Variants in AGO3 observed in about 807,000 individuals in gnomAD.
AGO3 encodes the protein argonaute RISC catalytic component 3, also known as protein argonaute-3.
AGO3 carries 16 observed loss-of-function variants against 105.5 expected under a neutral mutation model. The ratio of observed to expected loss-of-function variants is 0.15; its 90% CI spans 0.10 to 0.23. The LOEUF is 0.23. AGO3 is among the 10% of genes least tolerant of loss of function. AGO3 has a pLI of 1.00. For missense variants in AGO3, 534 were observed against 1,088.0 expected, an observed-to-expected ratio of 0.49 and a Z score of 7.16; for synonymous variants, 340 against 367.3, an observed-to-expected ratio of 0.93 and a Z score of 0.85.
chr1:35,935,471 T>C (rs1272041986), intron 1 of AGO3, among the ~76,000 whole-genome samples: 1 of 152,268 alleles, frequency 6.6e-6, no homozygotes, highest in Non-Finnish European at 1.5e-5. Flanking sequence ...AAAAGATATC[T>C]ACATGCTACT....
intron 1 of AGO3, among the ~76,000 whole-genome samples, chr1:35,939,747 T>A (rs1402778592): frequency 6.6e-6 from 1 of 152,166 alleles, no homozygotes; most frequent in Non-Finnish European, 1.5e-5. Flanking sequence ...CTCTCTTTTT[T>A]ATGATATTTT....
intron 11 of AGO3, among the ~76,000 whole-genome samples, chr1:36,019,520 A>G (rs1289427255): frequency 2.0e-5 from 3 of 152,242 alleles, no homozygotes; most frequent in African/African-American, 7.2e-5. Flanking sequence ...CACATTTCCT[A>G]ATAACCTTTT....
intron 12 of AGO3, among the ~76,000 whole-genome samples, chr1:36,031,896 G>T (rs567575338): frequency 2.1e-5 from 3 of 144,186 alleles, no homozygotes; most frequent in African/African-American, 7.5e-5. Flanking sequence ...ATATGTGTGT[G>T]TGGGGGGGCG....
At chr1:36,028,736 T>C (rs1641630417) in intron 12 of AGO3, among the ~76,000 whole-genome samples, 1 of 152,060 alleles carries the variant, frequency 6.6e-6, no homozygotes, top group African/African-American at 2.4e-5. Context: ...AGCAGCATGA[T>C]TTATAGTCCT....
In AGO3 at chr1:36,008,222, A is replaced by G. The variant is rs78430756; in HGVS notation, c.794-468A>G. Among the ~76,000 whole-genome samples the G allele has an allele frequency of 8.3e-3, 1,257 of 152,216 alleles. 19 individuals are homozygous for G. The highest frequency in any genetic ancestry group is 0.028 in the African/African-American group (1,177 of 41,526). ...CTCCTGCTTTATAAATCTTTAAAGG[A>G]CTTCTTTCTTGAGCTTTACAAAATT... On this transcript the variant is annotated intron_variant, in intron 6 of 18. Coordinates refer to ENST00000373191, the MANE Select transcript of AGO3 (RefSeq NM_024852.4). The surrounding 1 kb of genome is among the most constrained non-coding windows in gnomAD (Gnocchi z 5.1).
intron 14 of AGO3, among the ~76,000 whole-genome samples, chr1:36,037,198 T>C (rs1436654368): frequency 1.3e-5 from 2 of 152,218 alleles, no homozygotes; most frequent in East Asian, 3.8e-4. Context: ...CTTTTAGGCA[T>C]ATTTAATAAA....
rs1242895291 is a variant in AGO3, at chr1:36,010,590, A to G, written c.1149+996A>G. Among the ~76,000 whole-genome samples, 39 of 147,482 alleles carry G rather than the reference A, an allele frequency of 2.6e-4. 1 individual carries two copies. Among genetic ancestry groups the G allele is most frequent in the African/African-American group, 9.3e-4 (37 of 39,772 alleles). On this transcript the variant is annotated intron_variant, in intron 9 of 18. Coordinates refer to ENST00000373191, the MANE Select transcript of AGO3 (RefSeq NM_024852.4). ...GCACTCCAGCCTGGACAACAGAGTG[A>G]GACTCTGTCTCAAAAAAAAAAAAAA...
chr1:36,049,533 AAAG>A (rs1431838935), intron 17 of AGO3, among the ~76,000 whole-genome samples: 2 of 151,960 alleles, frequency 1.3e-5, no homozygotes, highest in Admixed American at 6.6e-5. Context: ...AAAAAAAAGA[AAAG>A]AAAAACTACT....
intron 2 of AGO3, among the ~76,000 whole-genome samples, chr1:35,949,925 A>G (rs1009794225): frequency 6.6e-6 from 1 of 151,394 alleles, no homozygotes; most frequent in Admixed American, 6.6e-5. Context: ...TTCGTTTCTT[A>G]TTAAAGATTT....
At chr1:36,048,020 G>T (rs1348915951) in intron 17 of AGO3, among the ~76,000 whole-genome samples, 2 of 152,132 alleles carry the variant, frequency 1.3e-5, no homozygotes, top group African/African-American at 4.8e-5. Flanking sequence ...AAATTGTCAA[G>T]TCAAGGACAG....
chr1:35,999,214 C>A (rs143588159), intron 5 of AGO3, among the ~76,000 whole-genome samples: 2 of 152,024 alleles, frequency 1.3e-5, no homozygotes, highest in African/African-American at 4.8e-5. Context: ...ATTAGCTGAG[C>A]GTGTAATCCC....
In AGO3 at chr1:36,068,567, T is replaced by G. The variant is rs928326889; in HGVS notation, c.*12822T>G. 4 of 152,334 alleles carry G rather than the reference T, an allele frequency of 2.6e-5. No individual in the cohort carries two copies. The highest frequency in any genetic ancestry group is 9.6e-5 in the African/African-American group (4 of 41,580). The allele number at this position is 152,334 out of a possible 1,614,324, so 9.4% of individuals were successfully genotyped here. On this transcript the variant is annotated 3_prime_UTR_variant, in exon 19 of 19. Transcript: ENST00000373191. ...CTAACCTTCTGCCAACCAACAGAGA[T>G]CCTCATATTCTTAAAGAAAATTAAT...
At chr1:36,051,425 A>G (rs1444948913) in intron 17 of AGO3, among the ~76,000 whole-genome samples, 3 of 152,236 alleles carry the variant, frequency 2.0e-5, no homozygotes, top group Admixed American at 2.0e-4. Context: ...CATTTACATC[A>G]AAAACATAGA....
intron 17 of AGO3, among the ~76,000 whole-genome samples, chr1:36,045,487 G>A (rs568596931): frequency 7.9e-5 from 12 of 151,868 alleles, no homozygotes; most frequent in Admixed American, 5.9e-4. Context: ...CTACCAAAGT[G>A]CTGGGATTAC....
intron 11 of AGO3, among the ~76,000 whole-genome samples, chr1:36,021,175 G>A (rs1641200601): frequency 6.6e-6 from 1 of 151,944 alleles, no homozygotes; most frequent in South Asian, 2.1e-4. Flanking sequence ...CTTGTGATCT[G>A]CCCACCTCAG....
At chr1:36,009,652 T>C in intron 9 of AGO3, 58 bp downstream of exon 9, 1 of 1,530,464 alleles carries the variant, frequency 6.5e-7, no homozygotes, top group South Asian at 1.2e-5. Context: ...ACTGTAATAC[T>C]AGAGAACCAT....
At chr1:35,991,153 A>G (rs1647607651) in intron 5 of AGO3, among the ~76,000 whole-genome samples, 2 of 152,068 alleles carry the variant, frequency 1.3e-5, no homozygotes, top group Admixed American at 1.3e-4. Flanking sequence ...AAATACAAAA[A>G]ATTAGCCGGG....
chr1:35,983,658 C>G lies in AGO3; in HGVS notation c.658+10147C>G, dbSNP rs563558206. Among the ~76,000 whole-genome samples, 250 of 152,078 alleles carry G rather than the reference C, an allele frequency of 1.6e-3. 2 individuals are homozygous for G. Among genetic ancestry groups the G allele is most frequent in the Middle Eastern group, 6.8e-3 (2 of 294 alleles). ...AAATTTTCTGTGATTATTCAGCCCT[C>G]GAAACAACTTTCAGGTACAGTGACT... On this transcript the variant is annotated intron_variant, in intron 5 of 18. Coordinates refer to ENST00000373191, the MANE Select transcript of AGO3 (RefSeq NM_024852.4).
At chr1:36,043,862 TA>T (rs572252684) in intron 17 of AGO3, among the ~76,000 whole-genome samples, 13 of 147,960 alleles carry the variant, frequency 8.8e-5, no homozygotes, top group Admixed American at 1.4e-4. Context: ...TATGCATCTT[TA>T]AAAAAAAAAG....
Sources: gnomAD v4.1 joint callset for allele counts (sites outside exome capture counted in the v4.1 genomes callset) on GRCh38, gnomAD v4.1.1 for gene constraint, Gnocchi (gnomAD v3.1) non-coding constraint, MANE v1.5 for transcripts, NCBI Gene and HGNC (gene_info 2026-07-23, HGNC 2026-07-21) for gene names.